Variants in VWA8 observed in about 807,000 individuals in gnomAD.
VWA8 encodes the protein von Willebrand factor A domain containing 8, also known as von Willebrand factor A domain-containing protein 8.
VWA8 carries 221 observed loss-of-function variants against 241.5 expected under a neutral mutation model. The observed-to-expected ratio is 0.91, with a 90% confidence interval of 0.82 to 1.02. VWA8 has a LOEUF of 1.02. Among genes scored for constraint, VWA8 ranks in the 50% least tolerant of loss-of-function variants. The probability of loss-of-function intolerance (pLI) is 0.00; values close to 1 mark genes in which losing one functional copy is unlikely to be tolerated. For synonymous variants in VWA8, 852 were observed against 827.1 expected, an observed-to-expected ratio of 1.03 and a Z score of -0.52; for missense variants, 2,322 against 2,328.7, an observed-to-expected ratio of 1.00 and a Z score of 0.06.
At chr13:41,839,879 T>C (rs1278418625) in intron 12 of VWA8, among the ~76,000 whole-genome samples, 1 of 152,208 alleles carries the variant, frequency 6.6e-6, no homozygotes, top group Non-Finnish European at 1.5e-5. Context: ...CACATGAAAT[T>C]TAAAGTAGTT....
chr13:41,742,650 G>T (rs994240242), intron 21 of VWA8, among the ~76,000 whole-genome samples: 7 of 152,128 alleles, frequency 4.6e-5, no homozygotes, highest in African/African-American at 1.7e-4. Context: ...AGGATATTTT[G>T]GGAAGAGCAA....
At chr13:41,816,244 G>C (rs1870685665) in intron 16 of VWA8, among the ~76,000 whole-genome samples, 1 of 152,174 alleles carries the variant, frequency 6.6e-6, no homozygotes, top group Admixed American at 6.5e-5. Flanking sequence ...CCATTTTACA[G>C]ATGAGAACAC....
At position 41,754,220 on chromosome 13, in the gene VWA8, T is replaced by C. The variant is rs142500305; in HGVS notation, c.2426+6908A>G. Among the ~76,000 whole-genome samples the C allele has an allele frequency of 7.1e-3, 1,076 of 152,230 alleles. 15 individuals are homozygous for C. The highest frequency in any genetic ancestry group is 0.011 in the Non-Finnish European group (721 of 68,022). On this transcript the variant is annotated intron_variant, in intron 21 of 44. Coordinates refer to ENST00000379310, the MANE Select transcript of VWA8 (RefSeq NM_015058.2). ...GCGGGAGGGACCCAGTGGGAGCTAA[T>C]TGAATCATGGTGGCAGGTCTTTCCT...
At chr13:41,599,706 C>T (rs1026990975) in intron 40 of VWA8, among the ~76,000 whole-genome samples, 4 of 152,060 alleles carry the variant, frequency 2.6e-5, no homozygotes, top group South Asian at 2.1e-4. Flanking sequence ...ATTGAAACTG[C>T]GGACAGTCCC....
chr13:41,602,234 G>A (rs1354896352), intron 40 of VWA8, among the ~76,000 whole-genome samples: 2 of 152,202 alleles, frequency 1.3e-5, no homozygotes, highest in African/African-American at 2.4e-5. Flanking sequence ...CTTGAAAAAT[G>A]CTGTGTTGGC....
intron 42 of VWA8, 40 bp downstream of exon 42, chr13:41,587,472 G>T (rs764377123): frequency 1.9e-6 from 3 of 1,611,720 alleles, no homozygotes; most frequent in Non-Finnish European, 2.5e-6. Context: ...CATCATCATG[G>T]TCAATGATGC....
chr13:41,621,172 A>C (rs561202052), intron 37 of VWA8, among the ~76,000 whole-genome samples: 1 of 152,354 alleles, frequency 6.6e-6, no homozygotes, highest in South Asian at 2.1e-4. Context: ...TTTCACTTTT[A>C]GTATAATATT....
Position 41,959,730 on chromosome 13 carries a change from T to C in VWA8, c.163+1123A>G, listed in dbSNP as rs141480715. Among the ~76,000 whole-genome samples, 707 of 147,728 alleles carry C rather than the reference T, an allele frequency of 4.8e-3. 2 individuals are homozygous for C. The highest frequency in any genetic ancestry group is 0.016 in the African/African-American group (651 of 40,184). ...CATTCTTCTGCCTCAGCCTCCGGAG[T>C]AGCTGGGATTACTGGCGCCCGCCAC... On this transcript the variant is annotated intron_variant, in intron 1 of 44. Transcript: ENST00000379310.
chr13:41,755,909 A>C (rs1357173030), intron 21 of VWA8, among the ~76,000 whole-genome samples: 1 of 151,900 alleles, frequency 6.6e-6, no homozygotes, highest in African/African-American at 2.4e-5. Flanking sequence ...TTCACATCAA[A>C]AAGTTTTTTA....
At chr13:41,847,036 T>C (rs1481989991) in intron 12 of VWA8, among the ~76,000 whole-genome samples, 4 of 152,094 alleles carry the variant, frequency 2.6e-5, no homozygotes, top group African/African-American at 4.8e-5. Context: ...AAAAAATTAA[T>C]TAAATAATCT....
At chr13:41,711,363 A>G (rs1304877342) in intron 26 of VWA8, among the ~76,000 whole-genome samples, 2 of 152,170 alleles carry the variant, frequency 1.3e-5, no homozygotes, top group Admixed American at 6.5e-5. Context: ...CAATCTACAG[A>G]AAGTACACCT....
intron 1 of VWA8, among the ~76,000 whole-genome samples, chr13:41,958,005 A>T (rs1457637143): frequency 6.6e-6 from 1 of 152,142 alleles, no homozygotes; most frequent in African/African-American, 2.4e-5. Context: ...TTTATTGAAA[A>T]CTCTCTGCAG....
At chr13:41,823,537 G>C (rs760339245) in intron 14 of VWA8, among the ~76,000 whole-genome samples, 1 of 152,058 alleles carries the variant, frequency 6.6e-6, no homozygotes. Flanking sequence ...GCATCCTATA[G>C]TATTTATACT....
chr13:41,778,152 A>G, intron 19 of VWA8, 96 bp from the exon 20 acceptor site: 2 of 695,970 alleles, frequency 2.9e-6, no homozygotes, highest in Non-Finnish European at 4.2e-6. Context: ...ATAAATATCT[A>G]TTATAATAAA....
chr13:41,671,296 G>A (rs1287128515), intron 36 of VWA8, 149 bp from the exon 37 acceptor site: 1 of 882,260 alleles, frequency 1.1e-6, no homozygotes, highest in Admixed American at 2.4e-5. Context: ...CACCACATAG[G>A]CAGGTTATGA....
intron 37 of VWA8, among the ~76,000 whole-genome samples, chr13:41,650,008 C>T (rs2044859412): frequency 6.6e-6 from 1 of 152,136 alleles, no homozygotes; most frequent in Non-Finnish European, 1.5e-5. Flanking sequence ...AGCCCCTCCC[C>T]TTCAAAGGGT....
intron 40 of VWA8, among the ~76,000 whole-genome samples, chr13:41,601,059 G>C (rs1227691540): frequency 2.0e-5 from 3 of 152,132 alleles, no homozygotes; most frequent in African/African-American, 7.2e-5. Context: ...ACAGTGTCAT[G>C]CATCTGTCTG....
intron 28 of VWA8, among the ~76,000 whole-genome samples, chr13:41,700,179 A>G (rs752830513): frequency 5.9e-5 from 9 of 152,194 alleles, no homozygotes; most frequent in Non-Finnish European, 1.0e-4. Flanking sequence ...AAATTAAGAC[A>G]TGAGATATGA....
chr13:41,605,326 G>T, intron 39 of VWA8, 50 bp from the exon 40 acceptor site: 1 of 1,573,224 alleles, frequency 6.4e-7, no homozygotes. Context: ...ACGTATATGT[G>T]GGTTTTTACT....
Sources: gnomAD v4.1 joint callset for allele counts (sites outside exome capture counted in the v4.1 genomes callset) on GRCh38, gnomAD v4.1.1 for gene constraint, MANE v1.5 for transcripts, NCBI Gene and HGNC (gene_info 2026-07-23, HGNC 2026-07-21) for gene names.